Variants in NPY2R observed in about 807,000 individuals in gnomAD.
NPY2R encodes neuropeptide Y receptor Y2.
NPY2R carries 17 observed loss-of-function variants against 22.3 expected under a neutral mutation model. The observed-to-expected ratio is 0.76, with a 90% CI of 0.52 to 1.14. The LOEUF is 1.14. Among genes scored for constraint, NPY2R ranks in the 50% most tolerant of loss-of-function variants. The pLI is 0.00. For missense variants in NPY2R, 424 were observed against 467.9 expected (o/e 0.91, Z 0.87); for synonymous variants, 209 against 183.4 (o/e 1.14, Z -1.13).
the NPY2R span, among the ~76,000 whole-genome samples, chr4:155,185,582 C>A: frequency 9.9e-5 from 15 of 151,998 alleles, no homozygotes; most frequent in African/African-American, 3.6e-4. Context: ...TAGTTATTTC[C>A]ATATCCCTTT....
At chr4:155,175,829 G>A in the NPY2R span, among the ~76,000 whole-genome samples, 4 of 151,500 alleles carry the variant, frequency 2.6e-5, no homozygotes, top group African/African-American at 4.9e-5. Context: ...AAGAAAGAAG[G>A]AAAGAAAGAA....
At chr4:155,196,298 A>G in the NPY2R span, among the ~76,000 whole-genome samples, 1 of 151,972 alleles carries the variant, frequency 6.6e-6, no homozygotes, top group Non-Finnish European at 1.5e-5. Flanking sequence ...AGAGTAGGTT[A>G]TCATGGAGGG....
Position 155,215,353 on chromosome 4 carries a change from A to AT in NPY2R, c.*270dup, listed in dbSNP as rs1450971210. 1 of 534,574 alleles carries AT rather than the reference A, an allele frequency of 1.9e-6. No individual in the cohort carries two copies. Among genetic ancestry groups the AT allele is most frequent in the Non-Finnish European group, 3.5e-6 (1 of 287,448 alleles). The allele number at this position is 534,574 out of a possible 1,614,324, so 33.1% of individuals were successfully genotyped here. A position where few individuals can be genotyped will look rare whatever the true frequency, so the allele number is the denominator to read the frequency against. On this transcript the variant is annotated 3_prime_UTR_variant, in exon 2 of 2. Transcript: ENST00000329476. The stretch of plus-strand genomic sequence containing the variant: ...GTAAAAGCAGAGAGAAGTACTTTTG[A>AT]TTATTTTCCTGGAGTGAAGAAAACT...
At chr4:155,193,048 T>C in the NPY2R span, among the ~76,000 whole-genome samples, 1 of 151,830 alleles carries the variant, frequency 6.6e-6, no homozygotes, top group African/African-American at 2.4e-5. Flanking sequence ...TGAGAAGGGA[T>C]TGTAGGATCA....
At chr4:155,210,534 G>C (rs1271753051) in intron 1 of NPY2R, among the ~76,000 whole-genome samples, 1 of 152,154 alleles carries the variant, frequency 6.6e-6, no homozygotes, top group Non-Finnish European at 1.5e-5. Flanking sequence ...TCAGGATTGA[G>C]TAACTGTACT....
chr4:155,207,379 A>G (rs2111031529), upstream of NPY2R: 3 of 152,368 alleles, frequency 2.0e-5, no homozygotes, highest in South Asian at 6.2e-4. Context: ...AGAAATTCCA[A>G]GCACACCAGT....
chr4:155,176,108 C>T, the NPY2R span, among the ~76,000 whole-genome samples: 1 of 152,178 alleles, frequency 6.6e-6, no homozygotes, highest in African/African-American at 2.4e-5. Context: ...AGATGTCAGA[C>T]ATCTTATCCA....
At chr4:155,211,707 G>A (rs139119738) in intron 1 of NPY2R, among the ~76,000 whole-genome samples, 158 of 152,302 alleles carry the variant, frequency 1.0e-3, no homozygotes, top group Admixed American at 1.7e-3. Flanking sequence ...ACAAGTGATG[G>A]AAGCCAAACA....
the NPY2R span, among the ~76,000 whole-genome samples, chr4:155,188,268 A>G: frequency 6.6e-6 from 1 of 152,226 alleles, no homozygotes; most frequent in Non-Finnish European, 1.5e-5. Flanking sequence ...CATTCCCCAT[A>G]CAAAAGAATC....
chr4:155,195,767 C>G, the NPY2R span, among the ~76,000 whole-genome samples: 3 of 151,854 alleles, frequency 2.0e-5, no homozygotes, highest in South Asian at 6.2e-4. Flanking sequence ...GATGTGCTAG[C>G]AGACCAAGAG....
the NPY2R span, among the ~76,000 whole-genome samples, chr4:155,196,700 GTGGTGAGGC>G: frequency 6.6e-6 from 1 of 151,948 alleles, no homozygotes; most frequent in African/African-American, 2.4e-5. Flanking sequence ...ATAGTCAAGA[GTGGTGAGGC>G]TGAAGTAACA....
chr4:155,191,166 A>G, the NPY2R span, among the ~76,000 whole-genome samples: 5,552 of 151,962 alleles, frequency 0.037, 178 homozygotes, highest in Middle Eastern at 0.099. Flanking sequence ...AGAGGTGAAG[A>G]AGAGAATGGA....
chr4:155,178,894 G>A, the NPY2R span, among the ~76,000 whole-genome samples: 1 of 152,098 alleles, frequency 6.6e-6, no homozygotes, highest in African/African-American at 2.4e-5. Flanking sequence ...TTGCCCAAAT[G>A]TTAGACAACT....
chr4:155,205,169 C>T (rs1216482830), upstream of NPY2R, among the ~76,000 whole-genome samples: 1 of 152,164 alleles, frequency 6.6e-6, no homozygotes. Context: ...TTGCACTAGC[C>T]ACACGTCAAG....
chr4:155,178,827 C>A, the NPY2R span, among the ~76,000 whole-genome samples: 1,166 of 152,260 alleles, frequency 7.7e-3, 20 homozygotes, highest in African/African-American at 0.027. Context: ...GGAAACCCTG[C>A]AGATATTTCT....
intron 1 of NPY2R, among the ~76,000 whole-genome samples, chr4:155,212,536 C>A (rs552589189): frequency 2.2e-3 from 340 of 152,272 alleles, no homozygotes; most frequent in Middle Eastern, 6.8e-3. Flanking sequence ...ATGCATGATG[C>A]ATGCAGGTTT....
chr4:155,205,813 CTAT>C (rs1729272512), upstream of NPY2R, among the ~76,000 whole-genome samples: 1 of 140,964 alleles, frequency 7.1e-6, no homozygotes, highest in Non-Finnish European at 1.5e-5. Flanking sequence ...TGCTATCTAT[CTAT>C]CTATCTATCT....
the NPY2R span, among the ~76,000 whole-genome samples, chr4:155,182,713 AAG>A: frequency 1.3e-5 from 2 of 152,130 alleles, no homozygotes; most frequent in African/African-American, 4.8e-5. Flanking sequence ...AGGAACTTGG[AAG>A]AGAGTGACCA....
chr4:155,178,824 CTGCAGATATTTCTTCAAGTACTTT>C, the NPY2R span, among the ~76,000 whole-genome samples: 1 of 152,250 alleles, frequency 6.6e-6, no homozygotes, highest in East Asian at 1.9e-4. Context: ...TTTGGAAACC[CTGCAGATATTTCTTCAAGTACTTT>C]TGCTGTTTCT....
Sources: allele counts gnomAD v4.1 joint callset (sites outside exome capture counted in the v4.1 genomes callset), GRCh38; gene constraint gnomAD v4.1.1; transcripts MANE v1.5; gene names NCBI Gene and HGNC (gene_info 2026-07-23, HGNC 2026-07-21).